Variants in TMEM150C observed in about 807,000 individuals in gnomAD.
TMEM150C encodes the protein transmembrane protein 150C, also known as tentonin 3.
TMEM150C carries 10 observed loss-of-function variants against 29.9 expected under a neutral mutation model. The ratio of observed to expected loss-of-function variants is 0.33; its 90% CI spans 0.21 to 0.57. The LOEUF (loss-of-function observed/expected upper bound fraction) is 0.57, where lower values mean the gene tolerates loss of function less well. TMEM150C is among the 20% of genes least tolerant of loss of function. The pLI, the probability that TMEM150C is intolerant of heterozygous loss-of-function variation, is 0.88. For missense variants in TMEM150C, 251 were observed against 303.6 expected, an observed-to-expected ratio of 0.83 and a Z score of 1.29; for synonymous variants, 101 against 112.5, an observed-to-expected ratio of 0.90 and a Z score of 0.64.
intron 1 of TMEM150C, among the ~76,000 whole-genome samples, chr4:82,535,880 T>C (rs1226844847): frequency 6.6e-6 from 1 of 152,180 alleles, no homozygotes; most frequent in Non-Finnish European, 1.5e-5. Context: ...TTGTGCATCC[T>C]AAGGTGTTTA....
rs536980510 is a variant in TMEM150C, at chr4:82,501,743, G to T, written c.235+984C>A. ...CTTGATTTTCCACTGACTTCTAAAG[G>T]TCTTCCCATTCTTATAGCAAATATT... On this transcript the variant is annotated intron_variant, in intron 5 of 7. Coordinates refer to ENST00000449862, the MANE Select transcript of TMEM150C (RefSeq NM_001080506.3). Among the ~76,000 whole-genome samples, 162 of 152,266 alleles carry T rather than the reference G, an allele frequency of 1.1e-3. 1 individual carries two copies. Among genetic ancestry groups the T allele is most frequent in the African/African-American group, 3.7e-3 (153 of 41,558 alleles).
At chr4:82,544,114 TATTC>T (rs1725279334) in intron 1 of TMEM150C, among the ~76,000 whole-genome samples, 1 of 152,132 alleles carries the variant, frequency 6.6e-6, no homozygotes, top group Non-Finnish European at 1.5e-5. Context: ...GTGCAGTAAA[TATTC>T]ATTAAGTTTT....
Position 82,485,352 on chromosome 4 carries a change from A to G in TMEM150C, c.*159T>C, listed in dbSNP as rs1460606479. 8.0e-6 allele frequency: 5 copies of G among 626,778 alleles called. No individual in the cohort carries two copies. The East Asian group carries it at 8.3e-5, about 10-fold the overall frequency. 38.8% of individuals were successfully genotyped at this position (626,778 alleles called of 1,614,324 possible). A position where few individuals can be genotyped will look rare whatever the true frequency, so the allele number is the denominator to read the frequency against. ...AAGGGCTTGTGCTTTTTCATTAAAG[A>G]AATAACTCGCCCTGAAAAGCTCATT... On this transcript the variant is annotated 3_prime_UTR_variant, in exon 8 of 8. Coordinates refer to ENST00000449862, the MANE Select transcript of TMEM150C (RefSeq NM_001080506.3).
intron 1 of TMEM150C, among the ~76,000 whole-genome samples, chr4:82,519,383 T>C (rs1015396366): frequency 6.6e-6 from 1 of 152,030 alleles, no homozygotes; most frequent in African/African-American, 2.4e-5. Flanking sequence ...TAACAAACTC[T>C]ATATATACGA....
intron 5 of TMEM150C, among the ~76,000 whole-genome samples, chr4:82,499,107 T>A (rs557729694): frequency 6.6e-6 from 1 of 152,174 alleles, no homozygotes; most frequent in Non-Finnish European, 1.5e-5. Context: ...TCTGCCCCTA[T>A]AACAGTTTTA....
Position 82,485,312 on chromosome 4 carries a change from T to C in TMEM150C, c.*199A>G. ...TGCATATATTTTCAGTGTAACAGCG[T>C]GTATTTCGACACATAAGGGCTTGTG... On this transcript the variant is annotated 3_prime_UTR_variant, in exon 8 of 8. Coordinates refer to ENST00000449862, the MANE Select transcript of TMEM150C (RefSeq NM_001080506.3). The C allele has an allele frequency of 5.2e-6, 3 of 575,998 alleles. No individual in the cohort carries two copies. The East Asian group carries it at 8.7e-5, about 17-fold the overall frequency. The allele number at this position is 575,998 out of a possible 1,614,324, so 35.7% of individuals were successfully genotyped here. A position where few individuals can be genotyped will look rare whatever the true frequency, so the allele number is the denominator to read the frequency against.
intron 1 of TMEM150C, among the ~76,000 whole-genome samples, chr4:82,529,975 G>A (rs74511264): frequency 0.044 from 6,699 of 152,086 alleles, 165 homozygotes; most frequent in South Asian, 0.075. Flanking sequence ...GGAATGTGTA[G>A]GGCTCCATGT....
At chr4:82,491,777 C>T (rs1723358194) in intron 6 of TMEM150C, 1 of 331,310 alleles carries the variant, frequency 3.0e-6, no homozygotes. Flanking sequence ...GCTGAGATTA[C>T]AGGCGTGAGC....
At position 82,490,301 on chromosome 4, in the gene TMEM150C, A is replaced by G. The variant is rs1341297757; in HGVS notation, c.364-63T>C. 4.2e-6 allele frequency: 6 copies of G among 1,418,126 alleles called. No homozygotes were observed. In the Admixed American group the frequency reaches 1.1e-4, roughly 25 times the overall value. The allele number at this position is 1,418,126 out of a possible 1,614,324, so 87.8% of individuals were successfully genotyped here. A position where few individuals can be genotyped will look rare whatever the true frequency, so the allele number is the denominator to read the frequency against. The stretch of plus-strand genomic sequence containing the variant: ...TCAGCAAAGAAGACAGGCAAGTTGA[A>G]GGAATGAATATATGAGGGGAAAAGA... On this transcript the variant is annotated intron_variant, in intron 6 of 7. Coordinates refer to ENST00000449862, the MANE Select transcript of TMEM150C (RefSeq NM_001080506.3).
chr4:82,524,568 T>A (rs970802257), intron 1 of TMEM150C, among the ~76,000 whole-genome samples: 3 of 152,214 alleles, frequency 2.0e-5, no homozygotes, highest in African/African-American at 7.2e-5. Context: ...TTCTTATTTA[T>A]ATAACCACTG....
chr4:82,496,937 G>A (rs752965874), intron 5 of TMEM150C, among the ~76,000 whole-genome samples: 1 of 152,188 alleles, frequency 6.6e-6, no homozygotes, highest in Non-Finnish European at 1.5e-5. Context: ...AGCAGATTGA[G>A]GGATTTGGTA....
rs201010480 is a variant in TMEM150C, at chr4:82,490,156, G to A, written c.446C>T (p.Ala149Val). The change falls in exon 7 of 8, where the codon GCG becomes GTG. Residue 149 changes from alanine (A) to valine (V), a missense_variant. Coordinates refer to ENST00000449862, the MANE Select transcript of TMEM150C (RefSeq NM_001080506.3). ...FGTLTCWIQA[A>V]LTLKVNIKNE... ...CTTGATGTTGACCTTGAGTGTCAGC[G>A]CAGCCTGGATCCAGCAGGTCAATGT... 5.1e-5 allele frequency: 83 copies of A among 1,613,810 alleles called. No homozygotes were observed. Among genetic ancestry groups the A allele is most frequent in the South Asian group, 5.5e-5 (5 of 91,072 alleles).
rs150866113 is a variant in TMEM150C, at chr4:82,489,411, ACCT to A, written c.541+647_541+649del. Among the ~76,000 whole-genome samples the A allele has an allele frequency of 7.4e-3, 1,125 of 151,954 alleles. 20 individuals carry two copies. The highest frequency in any genetic ancestry group is 0.044 in the South Asian group (212 of 4,806). ...TGAATTCCAAGGTGTGAGAGAGGAG[ACCT>A]GCAGCATTTTCCTTTCCAGGTTTAC... On this transcript the variant is annotated intron_variant, in intron 7 of 7. Coordinates refer to ENST00000449862, the MANE Select transcript of TMEM150C (RefSeq NM_001080506.3).
Position 82,538,686 on chromosome 4 carries a change from C to T in TMEM150C, c.-11+23220G>A, listed in dbSNP as rs142800990. On this transcript the variant is annotated intron_variant, in intron 1 of 7. Coordinates refer to ENST00000449862, the MANE Select transcript of TMEM150C (RefSeq NM_001080506.3). ...AACCATTACCCCGGAGAGTTTATCCCAGAAAATTTACAGTTGTTATTATCA... is the reference window on the plus strand; with the variant it reads ...AACCATTACCCCGGAGAGTTTATCCTAGAAAATTTACAGTTGTTATTATCA... 4.1e-4 allele frequency among the ~76,000 whole-genome samples: 63 copies of T among 152,160 alleles called. No individual in the cohort carries two copies. In the East Asian group the frequency reaches 0.012, roughly 29 times the overall value.
chr4:82,547,536 C>G (rs1725427343), intron 1 of TMEM150C, among the ~76,000 whole-genome samples: 1 of 151,866 alleles, frequency 6.6e-6, no homozygotes, highest in Non-Finnish European at 1.5e-5. Flanking sequence ...TTGCAGGGAG[C>G]TGAGATTGCA....
intron 1 of TMEM150C, among the ~76,000 whole-genome samples, chr4:82,511,265 T>C (rs984129872): frequency 3.0e-4 from 46 of 152,166 alleles, no homozygotes; most frequent in African/African-American, 1.1e-3. Context: ...TAGTAAAAGA[T>C]TTCTATTAAA....
At chr4:82,551,444 T>C (rs1191187262) in intron 1 of TMEM150C, among the ~76,000 whole-genome samples, 1 of 152,180 alleles carries the variant, frequency 6.6e-6, no homozygotes, top group Admixed American at 6.5e-5. Flanking sequence ...AATGAGTGAA[T>C]GAGTAAATGG....
intron 1 of TMEM150C, among the ~76,000 whole-genome samples, chr4:82,539,863 A>G (rs1385435410): frequency 1.3e-5 from 2 of 152,198 alleles, no homozygotes; most frequent in Non-Finnish European, 2.9e-5. Context: ...CCACAAAACT[A>G]CTAAGAGACA....
At chr4:82,485,780 A>C in intron 7 of TMEM150C, 61 bp from the exon 8 acceptor site, 1 of 1,459,454 alleles carries the variant, frequency 6.9e-7, no homozygotes, top group African/African-American at 1.4e-5. Flanking sequence ...GAATCTTTTC[A>C]GGGCAGAGAC....
Sources: allele counts gnomAD v4.1 joint callset (sites outside exome capture counted in the v4.1 genomes callset), GRCh38; gene constraint gnomAD v4.1.1; transcripts MANE v1.5; gene names NCBI Gene and HGNC (gene_info 2026-07-23, HGNC 2026-07-21).